The following ZNF469 variants were observed in gnomAD, a reference collection of about 807,000 sequenced individuals.
ZNF469 encodes the protein zinc finger protein 469.
A neutral mutation model predicts 1.0 loss-of-function variants in ZNF469; 1 was observed. That is an observed-to-expected ratio of 1.00 (90% CI 0.35 to 4.73). The LOEUF (loss-of-function observed/expected upper bound fraction) is 4.73. Ranked by LOEUF, ZNF469 falls within the 30% of genes most tolerant of loss-of-function variation. ZNF469 has a pLI of 0.16. For synonymous variants in ZNF469, 2,703 were observed against 2,363.4 expected (o/e 1.14, Z -4.17); for missense variants, 6,100 against 5,356.3 (o/e 1.14, Z -4.33).
At chr16:88,256,902 CTTTCTT>C in the ZNF469 span, among the ~76,000 whole-genome samples, 1 of 15,654 alleles carries the variant, frequency 6.4e-5, no homozygotes, top group African/African-American at 2.5e-4. Context: ...TTCCTTCTTT[CTTTCTT>C]TCTTTCTTTC....
In ZNF469 at chr16:88,440,083, C is replaced by G. The variant is rs1297186427; in HGVS notation, c.*751C>G. ...TTCCCTCCCAGCCTCCATGGCCGCC[C>G]TCTAGAGCCTCCCTGCTGTACGGAG... On this transcript the variant is annotated 3_prime_UTR_variant, in exon 3 of 3. Transcript: ENST00000565624. 1 of 154,028 alleles carries G rather than the reference C, an allele frequency of 6.5e-6. No individual in the cohort carries two copies. Among genetic ancestry groups the G allele is most frequent in the East Asian group, 1.9e-4 (1 of 5,208 alleles). The allele number at this position is 154,028 out of a possible 1,614,324, so 9.5% of individuals were successfully genotyped here. A position where few individuals can be genotyped will look rare whatever the true frequency, so the allele number is the denominator to read the frequency against.
chr16:88,135,075 CG>C, the ZNF469 span, among the ~76,000 whole-genome samples: 2 of 152,246 alleles, frequency 1.3e-5, no homozygotes, highest in South Asian at 4.1e-4. Flanking sequence ...GGCGAGGCCC[CG>C]GGCAGAAGGG....
chr16:88,266,084 C>T, the ZNF469 span, among the ~76,000 whole-genome samples: 4 of 152,248 alleles, frequency 2.6e-5, no homozygotes, highest in African/African-American at 7.2e-5. Flanking sequence ...GCCTGAGTTC[C>T]GTGGGGATGG....
chr16:88,335,959 C>T, the ZNF469 span, among the ~76,000 whole-genome samples: 4 of 151,960 alleles, frequency 2.6e-5, no homozygotes, highest in African/African-American at 4.8e-5. Flanking sequence ...GCCAATGCCA[C>T]GCATGTTCAT....
the ZNF469 span, among the ~76,000 whole-genome samples, chr16:88,241,992 T>C: frequency 6.6e-6 from 1 of 151,688 alleles, no homozygotes; most frequent in Non-Finnish European, 1.5e-5. This position sits in a 1 kb window ranked among gnomAD's most constrained non-coding sequence, Gnocchi z 4.8. Flanking sequence ...AGGAAGGGGG[T>C]TCATGCCGTA....
chr16:88,435,394 A>C lies in ZNF469; in HGVS notation c.7924A>C (p.Arg2642=). The change falls in exon 3 of 3, where the codon AGG becomes CGG. Residue 2642 remains arginine (R), a synonymous_variant. Coordinates refer to ENST00000565624, the MANE Select transcript of ZNF469 (RefSeq NM_001367624.2). ...GAAAAGGGGAAAGCTGAGAGGGAGA[A>C]GGCTCCGGGAGGAGAGCATTCTTCC... ...NKKRGKLRGR[R]LREESILPVS... 2.6e-6 allele frequency: 4 copies of C among 1,550,358 alleles called. No individual in the cohort carries two copies. Among genetic ancestry groups the C allele is most frequent in the Non-Finnish European group, 3.5e-6 (4 of 1,146,980 alleles).
the ZNF469 span, among the ~76,000 whole-genome samples, chr16:88,254,944 A>C: frequency 3.9e-5 from 6 of 152,196 alleles, no homozygotes; most frequent in African/African-American, 1.4e-4. Context: ...GAATCCATGA[A>C]CATGGTATAC....
the ZNF469 span, among the ~76,000 whole-genome samples, chr16:88,367,950 C>T: frequency 5.3e-5 from 8 of 152,338 alleles, no homozygotes; most frequent in South Asian, 6.2e-4. Context: ...CACAGAGACC[C>T]GCATTCTTAT....
chr16:88,394,634 C>T (rs1169437361), intron 1 of ZNF469, among the ~76,000 whole-genome samples: 1 of 152,208 alleles, frequency 6.6e-6, no homozygotes. Context: ...CTGGCATCTC[C>T]TCTGCCGCCT....
At chr16:88,273,245 T>G in the ZNF469 span, among the ~76,000 whole-genome samples, 1 of 79,030 alleles carries the variant, frequency 1.3e-5, no homozygotes, top group Admixed American at 1.6e-4. Context: ...CTGTGTGGTG[T>G]TATGCTAGAA....
the ZNF469 span, among the ~76,000 whole-genome samples, chr16:88,269,775 T>G: frequency 6.6e-6 from 1 of 152,196 alleles, no homozygotes; most frequent in Non-Finnish European, 1.5e-5. Flanking sequence ...GAGTTGTTAC[T>G]CTATTCCATG....
chr16:88,284,158 G>A, the ZNF469 span, among the ~76,000 whole-genome samples: 4 of 151,712 alleles, frequency 2.6e-5, no homozygotes, highest in Non-Finnish European at 4.4e-5. Flanking sequence ...CGAGGTCTGC[G>A]GAGGCTGGTA....
At chr16:88,381,875 C>T (rs184296201), upstream of ZNF469, among the ~76,000 whole-genome samples, 7 of 152,344 alleles carry the variant, frequency 4.6e-5, no homozygotes, top group East Asian at 1.4e-3. Context: ...GGGGGAGGGG[C>T]AGGCCCACTC....
the ZNF469 span, among the ~76,000 whole-genome samples, chr16:88,216,253 TGGGA>T: frequency 6.6e-6 from 1 of 152,150 alleles, no homozygotes. Flanking sequence ...CCCAGCACTT[TGGGA>T]GGCCGAGGCG....
At chr16:88,239,670 T>C in the ZNF469 span, among the ~76,000 whole-genome samples, 231 of 4,606 alleles carry the variant, frequency 0.05, 6 homozygotes, top group African/African-American at 0.22. Flanking sequence ...TTTTTTTGTA[T>C]ATATATATAT....
the ZNF469 span, among the ~76,000 whole-genome samples, chr16:88,349,001 T>C: frequency 6.6e-6 from 1 of 152,302 alleles, no homozygotes; most frequent in Non-Finnish European, 1.5e-5. Flanking sequence ...CCTCGGCCCC[T>C]GCCTCCCACG....
the ZNF469 span, among the ~76,000 whole-genome samples, chr16:88,114,141 C>T: frequency 3.3e-5 from 5 of 151,528 alleles, no homozygotes; most frequent in South Asian, 2.1e-4. Flanking sequence ...ATGGGGAGAA[C>T]GGTAAGGGCC....
chr16:88,320,730 G>A, the ZNF469 span, among the ~76,000 whole-genome samples: 2 of 152,128 alleles, frequency 1.3e-5, no homozygotes, highest in African/African-American at 4.8e-5. Flanking sequence ...ACTTGAACAC[G>A]TCAGCTGGAG....
chr16:88,180,597 C>A, the ZNF469 span, among the ~76,000 whole-genome samples: 29 of 152,062 alleles, frequency 1.9e-4, no homozygotes, highest in African/African-American at 7.0e-4. Context: ...CATGGTGAAA[C>A]CCTGTCTCTA....
Sources: gnomAD v4.1 joint callset for allele counts (sites outside exome capture counted in the v4.1 genomes callset) on GRCh38, gnomAD v4.1.1 for gene constraint, Gnocchi (gnomAD v3.1) non-coding constraint, MANE v1.5 for transcripts, NCBI Gene and HGNC (gene_info 2026-07-23, HGNC 2026-07-21) for gene names.